The following FRMD4A variants were observed in gnomAD, a reference collection of about 807,000 sequenced individuals.
The protein encoded by FRMD4A is FERM domain containing 4A, also known as FERM domain-containing protein 4A.
Under a neutral mutation model 129.1 loss-of-function variants are expected in FRMD4A, and 29 were observed. That is an observed-to-expected ratio of 0.22 (90% confidence interval 0.17 to 0.31). The LOEUF (loss-of-function observed/expected upper bound fraction) is 0.31. FRMD4A is among the 10% of genes least tolerant of loss of function. The probability of loss-of-function intolerance (pLI) is 1.00; values close to 1 mark genes in which losing one functional copy is unlikely to be tolerated. For missense variants in FRMD4A, 1,272 were observed against 1,375.8 expected, an observed-to-expected ratio of 0.92 and a Z score of 1.19; for synonymous variants, 634 against 571.6, an observed-to-expected ratio of 1.11 and a Z score of -1.56.
intron 2 of FRMD4A, among the ~76,000 whole-genome samples, chr10:14,045,722 T>A (rs11258822): frequency 0.14 from 19,942 of 145,746 alleles, 1,537 homozygotes; most frequent in African/African-American, 0.21. Flanking sequence ...TATCATATTA[T>A]ATTAGATATA....
intron 2 of FRMD4A, among the ~76,000 whole-genome samples, chr10:13,878,811 A>G (rs141876142): frequency 4.6e-4 from 27 of 58,760 alleles, no homozygotes; most frequent in South Asian, 3.4e-3. Flanking sequence ...AGAGAAAGAG[A>G]GAGGGAGGGA....
chr10:13,750,503 G>A (rs1018966585), intron 8 of FRMD4A, among the ~76,000 whole-genome samples: 3 of 152,170 alleles, frequency 2.0e-5, no homozygotes, highest in Non-Finnish European at 2.9e-5. Context: ...CAGCAGACAC[G>A]AAAGCTCAGA....
chr10:13,687,386 T>A (rs57510202), intron 15 of FRMD4A, among the ~76,000 whole-genome samples: 2,688 of 152,328 alleles, frequency 0.018, 76 homozygotes, highest in African/African-American at 0.062. Context: ...TGTCTCACTT[T>A]CAGACAAGCT....
At chr10:13,658,968 T>C (rs1225121116) in intron 21 of FRMD4A, among the ~76,000 whole-genome samples, 1 of 151,966 alleles carries the variant, frequency 6.6e-6, no homozygotes, top group African/African-American at 2.4e-5. Flanking sequence ...TGAATTTACA[T>C]TTTGAGGCAC....
intron 19 of FRMD4A, among the ~76,000 whole-genome samples, chr10:13,661,821 CAACT>C (rs778884414): frequency 6.6e-5 from 10 of 151,732 alleles, no homozygotes; most frequent in East Asian, 1.9e-4. Context: ...TACAACCAAC[CAACT>C]ACCATTCACT....
chr10:14,260,830 G>T (rs1415327658), intron 2 of FRMD4A, among the ~76,000 whole-genome samples: 1 of 152,188 alleles, frequency 6.6e-6, no homozygotes, highest in Non-Finnish European at 1.5e-5. Context: ...GTAAAAACCT[G>T]GATGCTTCCC....
At chr10:14,006,200 C>A (rs2457836) in intron 2 of FRMD4A, among the ~76,000 whole-genome samples, 1 of 152,174 alleles carries the variant, frequency 6.6e-6, no homozygotes. Flanking sequence ...CTCCATTGCT[C>A]TGGAGGGTGA....
At chr10:14,123,974 T>C (rs1838683559) in intron 2 of FRMD4A, among the ~76,000 whole-genome samples, 1 of 152,146 alleles carries the variant, frequency 6.6e-6, no homozygotes. Flanking sequence ...CTTATAAGGA[T>C]GCAGAGGATT....
chr10:13,654,361 C>T (rs774378667), intron 23 of FRMD4A, 55 bp downstream of exon 23: 67 of 1,109,074 alleles, frequency 6.0e-5, no homozygotes, highest in Middle Eastern at 3.9e-4. Context: ...AGGATCTGAA[C>T]GTCTATGACA....
At chr10:14,212,253 T>G (rs145726441) in intron 2 of FRMD4A, among the ~76,000 whole-genome samples, 2 of 152,188 alleles carry the variant, frequency 1.3e-5, no homozygotes, top group Non-Finnish European at 2.9e-5. Flanking sequence ...AGGAGATGCT[T>G]TGGGAGAATA....
chr10:14,209,193 T>G (rs1434126327), intron 2 of FRMD4A, among the ~76,000 whole-genome samples: 1 of 152,174 alleles, frequency 6.6e-6, no homozygotes, highest in Non-Finnish European at 1.5e-5. Flanking sequence ...GTGTCTCTCC[T>G]GACACTTTTC....
intron 12 of FRMD4A, among the ~76,000 whole-genome samples, chr10:13,713,519 A>T (rs1162107786): frequency 6.6e-6 from 1 of 152,188 alleles, no homozygotes; most frequent in African/African-American, 2.4e-5. Flanking sequence ...TTTCTAGAGC[A>T]GACTGGCACT....
intron 2 of FRMD4A, among the ~76,000 whole-genome samples, chr10:14,323,194 A>AGATG (rs1254523537): frequency 1.4e-4 from 21 of 152,222 alleles, no homozygotes; most frequent in Non-Finnish European, 2.9e-4. Context: ...CTTGTTTCTT[A>AGATG]GATGGATTTT....
intron 13 of FRMD4A, among the ~76,000 whole-genome samples, chr10:13,706,129 G>A (rs2087410562): frequency 6.6e-6 from 1 of 152,154 alleles, no homozygotes; most frequent in Non-Finnish European, 1.5e-5. Flanking sequence ...GCCCAGGGCT[G>A]GAGCGTCAAC....
chr10:13,810,380 G>A (rs1490742293), intron 4 of FRMD4A, among the ~76,000 whole-genome samples: 4 of 151,966 alleles, frequency 2.6e-5, no homozygotes, highest in South Asian at 4.2e-4. Context: ...CTTTATTTCA[G>A]TTTAGACACT....
chr10:13,698,495 G>A (rs1323824947), intron 14 of FRMD4A, among the ~76,000 whole-genome samples: 1 of 152,214 alleles, frequency 6.6e-6, no homozygotes, highest in Non-Finnish European at 1.5e-5. Flanking sequence ...TCCAGAAACA[G>A]AAAGGTGTTG....
chr10:14,003,167 A>G (rs1044632919), intron 2 of FRMD4A, among the ~76,000 whole-genome samples: 2 of 152,138 alleles, frequency 1.3e-5, no homozygotes, highest in Non-Finnish European at 2.9e-5. Context: ...CGCAGGCAAG[A>G]GATGGTGGCG....
At chr10:13,977,664 T>C (rs2095546688) in intron 2 of FRMD4A, among the ~76,000 whole-genome samples, 1 of 152,204 alleles carries the variant, frequency 6.6e-6, no homozygotes, top group Non-Finnish European at 1.5e-5. Context: ...TCATTCCCCA[T>C]TTCTCTTCAT....
intron 2 of FRMD4A, among the ~76,000 whole-genome samples, chr10:14,196,994 G>T (rs951469616): frequency 1.3e-5 from 2 of 152,118 alleles, no homozygotes; most frequent in Non-Finnish European, 2.9e-5. Flanking sequence ...GGAAACCAAC[G>T]AATTGGGTGA....
Sources: gnomAD v4.1 joint callset for allele counts (sites outside exome capture counted in the v4.1 genomes callset) on GRCh38, gnomAD v4.1.1 for gene constraint, MANE v1.5 for transcripts, NCBI Gene and HGNC (gene_info 2026-07-23, HGNC 2026-07-21) for gene names.